Variants in INSC observed in about 807,000 individuals in gnomAD.
The protein encoded by INSC is INSC spindle orientation adaptor protein.
INSC carries 67 observed loss-of-function variants against 58.6 expected under a neutral mutation model. The observed-to-expected ratio is 1.14, with a 90% CI of 0.94 to 1.40. The LOEUF (loss-of-function observed/expected upper bound fraction) is 1.40, where lower values mean the gene tolerates loss of function less well. INSC is among the 40% of genes most tolerant of loss of function. The probability of loss-of-function intolerance (pLI) is 0.00; values close to 1 mark genes in which losing one functional copy is unlikely to be tolerated. For missense variants in INSC, 714 were observed against 692.0 expected (o/e 1.03, Z -0.36); for synonymous variants, 262 against 276.1 (o/e 0.95, Z 0.51).
intron 7 of INSC, among the ~76,000 whole-genome samples, chr11:15,220,873 G>T (rs2133930150): frequency 6.6e-6 from 1 of 152,290 alleles, no homozygotes; most frequent in African/African-American, 2.4e-5. Context: ...AAGGCCACCA[G>T]GGAAGCAGCC....
downstream of INSC, among the ~76,000 whole-genome samples, chr11:15,247,701 C>T (rs1228836513): frequency 7.3e-6 from 1 of 136,266 alleles, no homozygotes; most frequent in Non-Finnish European, 1.6e-5. Flanking sequence ...TCTTCTGAGT[C>T]CTTATACAAA....
Position 15,214,602 on chromosome 11 carries a change from T to A in INSC, c.820-6875T>A, listed in dbSNP as rs1380796156. 4.6e-5 allele frequency among the ~76,000 whole-genome samples: 7 copies of A among 152,170 alleles called. No individual in the cohort carries two copies. In the East Asian group the frequency reaches 1.3e-3, roughly 29 times the overall value. ...TCAGTAGGAGAATGTTGCCCATAAA[T>A]CTGATATGATGTTTGCTGTACACTT... On this transcript the variant is annotated intron_variant, in intron 7 of 12. Coordinates refer to ENST00000379556, the MANE Select transcript of INSC (RefSeq NM_001042536.3).
the INSC span, among the ~76,000 whole-genome samples, chr11:15,260,244 T>C: frequency 1.3e-5 from 2 of 152,264 alleles, no homozygotes; most frequent in East Asian, 1.9e-4. Context: ...GGACACAGGA[T>C]AGTGGCTGTA....
intron 7 of INSC, among the ~76,000 whole-genome samples, chr11:15,210,100 T>G (rs1433893046): frequency 6.6e-6 from 1 of 152,148 alleles, no homozygotes; most frequent in East Asian, 1.9e-4. Context: ...CTGAGATAAG[T>G]CAGATGAGTA....
intron 5 of INSC, among the ~76,000 whole-genome samples, chr11:15,185,290 T>C (rs76564293): frequency 0.021 from 3,245 of 152,318 alleles, 114 homozygotes; most frequent in African/African-American, 0.073. Flanking sequence ...TATTGATTTA[T>C]GGGAACAAGA....
chr11:15,153,521 T>C (rs1405207124), intron 2 of INSC, among the ~76,000 whole-genome samples: 1 of 152,228 alleles, frequency 6.6e-6, no homozygotes, highest in Non-Finnish European at 1.5e-5. Context: ...GTGCAGACTG[T>C]AATTGTGAAT....
the INSC span, among the ~76,000 whole-genome samples, chr11:15,262,296 G>A: frequency 6.6e-6 from 1 of 152,076 alleles, no homozygotes; most frequent in East Asian, 1.9e-4. Flanking sequence ...GAGCTGGCAA[G>A]AGAATAAAAA....
At chr11:15,157,080 T>A (rs1282005642) in intron 2 of INSC, among the ~76,000 whole-genome samples, 1 of 152,152 alleles carries the variant, frequency 6.6e-6, no homozygotes, top group Non-Finnish European at 1.5e-5. Context: ...ACAGCCTCCA[T>A]CAGAATGCAA....
chr11:15,230,331 C>T (rs915718574), intron 9 of INSC, among the ~76,000 whole-genome samples: 1 of 151,880 alleles, frequency 6.6e-6, no homozygotes, highest in Non-Finnish European at 1.5e-5. Flanking sequence ...AGAAAACTTA[C>T]AATAATGATG....
Position 15,225,827 on chromosome 11 carries a change from A to G in INSC, c.1169A>G (p.Gln390Arg). ...QRVDTPYTRDQIVTILANMSV... is the reference protein window; with the variant it reads ...QRVDTPYTRDRIVTILANMSV... Reference sequence around the variant, plus strand: ...GTGGACACGCCTTACACTCGGGACCAGGTAAGACGCCCAGAAGGCACTGAG... The same window carrying G: ...GTGGACACGCCTTACACTCGGGACCGGGTAAGACGCCCAGAAGGCACTGAG... Residue 390 changes from glutamine (Q) to arginine (R), a missense_variant and splice_region_variant, in exon 9 of 13, where the codon CAG (glutamine) becomes CGG (arginine). Transcript: ENST00000379556. 6.2e-7 allele frequency: 1 copy of G among 1,611,440 alleles called. No individual in the cohort carries two copies. The highest frequency in any genetic ancestry group is 8.5e-7 in the Non-Finnish European group (1 of 1,178,812).
chr11:15,122,000 G>A lies in INSC; in HGVS notation c.-46+6997G>A, dbSNP rs1181467913. ...GCTACAGCCCTGGAATTAGCCATTT[G>A]TCTGAAGAGCCCTGGATCCTTTTAG... is the stretch of plus-strand genomic sequence containing the variant. On this transcript the variant is annotated intron_variant, in intron 1 of 12. Coordinates refer to ENST00000379556, the MANE Select transcript of INSC (RefSeq NM_001042536.3). Among the ~76,000 whole-genome samples, 3 of 152,302 alleles carry A rather than the reference G, an allele frequency of 2.0e-5. No individual in the cohort carries two copies. The East Asian group carries it at 5.8e-4, about 29-fold the overall frequency.
intron 9 of INSC, among the ~76,000 whole-genome samples, chr11:15,226,496 A>G (rs921429133): frequency 5.9e-5 from 9 of 152,146 alleles, no homozygotes; most frequent in Non-Finnish European, 1.0e-4. Flanking sequence ...ATTTTATACC[A>G]TTTCACCTCT....
chr11:15,131,532 C>T (rs557526405), intron 1 of INSC, among the ~76,000 whole-genome samples: 1 of 152,136 alleles, frequency 6.6e-6, no homozygotes, highest in East Asian at 1.9e-4. Context: ...TGATCATTTT[C>T]CTGCTTGATC....
chr11:15,191,814 C>G (rs1850189105), intron 6 of INSC, among the ~76,000 whole-genome samples: 1 of 152,212 alleles, frequency 6.6e-6, no homozygotes, highest in Non-Finnish European at 1.5e-5. Context: ...CGCTTAGAAT[C>G]TTGTGAACCT....
At chr11:15,258,757 C>T in the INSC span, among the ~76,000 whole-genome samples, 1 of 152,274 alleles carries the variant, frequency 6.6e-6, no homozygotes, top group African/African-American at 2.4e-5. Context: ...GCGGGTGTGT[C>T]AGCATGCTGA....
chr11:15,235,612 T>A lies in INSC; in HGVS notation c.1181T>A (p.Ile394Asn), dbSNP rs981773444. ...AATTATCTTTTCCAGATTGTGACCA[T>A]CTTGGCAAACATGTCTGTCCTAGAA... is the stretch of plus-strand genomic sequence containing the variant. The part of the protein sequence containing the change: ...TPYTRDQIVT[I>N]LANMSVLEQC... Residue 394 changes from isoleucine (I) to asparagine (N), a missense_variant, in exon 10 of 13, where the codon ATC becomes AAC. Coordinates refer to ENST00000379556, the MANE Select transcript of INSC (RefSeq NM_001042536.3). The A allele has an allele frequency of 5.0e-6, 8 of 1,613,740 alleles. No homozygotes were observed. The highest frequency in any genetic ancestry group is 1.3e-5 in the African/African-American group (1 of 74,910).
intron 2 of INSC, among the ~76,000 whole-genome samples, chr11:15,158,139 C>A (rs1031186177): frequency 6.6e-6 from 1 of 151,986 alleles, no homozygotes; most frequent in Non-Finnish European, 1.5e-5. Context: ...TATCATTTCC[C>A]AACAGGCTAC....
At chr11:15,138,400 A>G (rs1367102001) in intron 1 of INSC, among the ~76,000 whole-genome samples, 2 of 152,234 alleles carry the variant, frequency 1.3e-5, no homozygotes, top group Non-Finnish European at 2.9e-5. Context: ...AAAAAGCAGT[A>G]TCTGCAAAGC....
chr11:15,177,832 C>G (rs1360442675), intron 4 of INSC, among the ~76,000 whole-genome samples: 1 of 152,134 alleles, frequency 6.6e-6, no homozygotes, highest in Admixed American at 6.6e-5. Context: ...GGAACCTGAT[C>G]CCCCTCTGTT....
Sources: gnomAD v4.1 joint callset for allele counts (sites outside exome capture counted in the v4.1 genomes callset) on GRCh38, gnomAD v4.1.1 for gene constraint, MANE v1.5 for transcripts, NCBI Gene and HGNC (gene_info 2026-07-23, HGNC 2026-07-21) for gene names.